Variants in CRY1 observed in about 807,000 individuals in gnomAD.
The protein encoded by CRY1 is cryptochrome circadian regulator 1.
Under a neutral mutation model 76.0 loss-of-function variants are expected in CRY1, and 45 were observed. That is an observed-to-expected ratio of 0.59 (90% CI 0.47 to 0.76). The LOEUF is 0.76. Among genes scored for constraint, CRY1 ranks in the 30% least tolerant of loss-of-function variants. The probability of loss-of-function intolerance (pLI) is 0.00; values close to 1 mark genes in which losing one functional copy is unlikely to be tolerated. For missense variants in CRY1, 587 were observed against 716.4 expected, an observed-to-expected ratio of 0.82 and a Z score of 2.06; for synonymous variants, 248 against 244.0, an observed-to-expected ratio of 1.02 and a Z score of -0.15.
chr12:107,033,106 G>A lies in CRY1; in HGVS notation c.159-10914C>T, dbSNP rs1363394430. On this transcript the variant is annotated intron_variant, in intron 1 of 12. Coordinates refer to ENST00000008527, the MANE Select transcript of CRY1 (RefSeq NM_004075.5). ...ATCTTAGATACTGCAGGGATTAAAC[G>A]GAAAATAAATAATTTTATGCAAACA... Among the ~76,000 whole-genome samples the A allele has an allele frequency of 2.0e-5, 3 of 152,066 alleles. No homozygotes were observed. In the South Asian group the frequency reaches 6.2e-4, roughly 32 times the overall value.
At chr12:106,996,229 T>G (rs998210749) in intron 10 of CRY1, among the ~76,000 whole-genome samples, 1 of 152,224 alleles carries the variant, frequency 6.6e-6, no homozygotes, top group Non-Finnish European at 1.5e-5. Flanking sequence ...GGTGTTTGGT[T>G]TTCTGTTCCT....
At chr12:107,026,100 C>T (rs1343554684) in intron 1 of CRY1, among the ~76,000 whole-genome samples, 3 of 32,502 alleles carry the variant, frequency 9.2e-5, no homozygotes, top group Non-Finnish European at 1.7e-4. Flanking sequence ...ATATATATAA[C>T]ATATATATAA....
At chr12:107,044,916 A>C (rs1952833470) in intron 1 of CRY1, among the ~76,000 whole-genome samples, 1 of 152,188 alleles carries the variant, frequency 6.6e-6, no homozygotes, top group African/African-American at 2.4e-5. Context: ...CTATTATGGG[A>C]GTTTCAGAAG....
At chr12:107,025,502 G>A (rs1448753617) in intron 1 of CRY1, among the ~76,000 whole-genome samples, 3 of 152,056 alleles carry the variant, frequency 2.0e-5, no homozygotes, top group East Asian at 1.9e-4. Context: ...AGCATTGTTC[G>A]TGAGATTAAA....
At chr12:107,058,030 T>C (rs1159729096) in intron 1 of CRY1, among the ~76,000 whole-genome samples, 1 of 152,096 alleles carries the variant, frequency 6.6e-6, no homozygotes, top group Admixed American at 6.6e-5. Flanking sequence ...CACTCCAGCC[T>C]GGGCAACAGA....
chr12:107,048,632 T>C (rs1260563292), intron 1 of CRY1, among the ~76,000 whole-genome samples: 1 of 152,232 alleles, frequency 6.6e-6, no homozygotes, highest in African/African-American at 2.4e-5. Flanking sequence ...TTATTTTGTG[T>C]TTGAATCTGG....
intron 1 of CRY1, among the ~76,000 whole-genome samples, chr12:107,065,073 A>G (rs1370915388): frequency 1.3e-5 from 2 of 152,152 alleles, no homozygotes; most frequent in African/African-American, 4.8e-5. Context: ...AGAGGGGTGG[A>G]TCACTTGAGG....
intron 2 of CRY1, among the ~76,000 whole-genome samples, chr12:107,018,441 G>C (rs1952519786): frequency 6.6e-6 from 1 of 152,126 alleles, no homozygotes; most frequent in Non-Finnish European, 1.5e-5. Flanking sequence ...ACAAAAATTA[G>C]CAAGGTGTGG....
intron 7 of CRY1, among the ~76,000 whole-genome samples, chr12:106,998,659 A>AACACACACACAC (rs10522970): frequency 0.028 from 3,993 of 143,388 alleles, 99 homozygotes; most frequent in African/African-American, 0.057. Flanking sequence ...TAAGAGATTA[A>AACACACACACAC]ACACACACAC....
intron 1 of CRY1, among the ~76,000 whole-genome samples, chr12:107,075,049 C>T (rs993364302): frequency 1.3e-5 from 2 of 151,756 alleles, no homozygotes; most frequent in Non-Finnish European, 2.9e-5. Context: ...AAAACAAAAA[C>T]TACTAGTGAT....
At chr12:107,026,227 G>C (rs1441311918) in intron 1 of CRY1, among the ~76,000 whole-genome samples, 2 of 59,442 alleles carry the variant, frequency 3.4e-5, no homozygotes. Context: ...AATTAAGTCA[G>C]TTCTCCCCAT....
chr12:107,074,313 T>C (rs188413244), intron 1 of CRY1, among the ~76,000 whole-genome samples: 1 of 152,306 alleles, frequency 6.6e-6, no homozygotes, highest in East Asian at 1.9e-4. Flanking sequence ...AGCACAGTAA[T>C]TTAATATTAA....
chr12:107,015,874 C>T (rs1412936531), intron 2 of CRY1, among the ~76,000 whole-genome samples: 1 of 152,108 alleles, frequency 6.6e-6, no homozygotes, highest in East Asian at 1.9e-4. Context: ...TCTGTAGAGA[C>T]AGAGTCTCAC....
At chr12:107,001,660 C>A (rs1952313167) in intron 4 of CRY1, 104 bp downstream of exon 4, 1 of 1,050,284 alleles carries the variant, frequency 9.5e-7, no homozygotes. Context: ...TTCTTTCTCT[C>A]CTAATGCAAA....
intron 2 of CRY1, among the ~76,000 whole-genome samples, chr12:107,014,689 G>T (rs10746074): frequency 0.55 from 82,936 of 151,738 alleles, 23,024 homozygotes; most frequent in East Asian, 0.73. Context: ...ATAATATTAA[G>T]TTTCCTCTAA....
intron 1 of CRY1, among the ~76,000 whole-genome samples, chr12:107,035,473 T>C (rs1199475171): frequency 6.6e-6 from 1 of 152,206 alleles, no homozygotes; most frequent in Admixed American, 6.5e-5. Flanking sequence ...GCTGCAAACA[T>C]TTAGAAAGTG....
At chr12:107,056,180 G>C (rs1952980284) in intron 1 of CRY1, among the ~76,000 whole-genome samples, 2 of 152,192 alleles carry the variant, frequency 1.3e-5, no homozygotes, top group African/African-American at 4.8e-5. Context: ...GAGAGTCTAA[G>C]ATACTCCAAA....
chr12:107,021,957 A>C (rs562421964), intron 2 of CRY1, 127 bp downstream of exon 2: 2 of 682,926 alleles, frequency 2.9e-6, no homozygotes, highest in African/African-American at 1.9e-5. Context: ...AAGAAAAAAA[A>C]CCCACAAAAT....
chr12:107,020,110 C>G (rs1243080877), intron 2 of CRY1, among the ~76,000 whole-genome samples: 1 of 150,150 alleles, frequency 6.7e-6, no homozygotes, highest in East Asian at 2.0e-4. Flanking sequence ...TAAATTCTAA[C>G]TTGATCTATT....
Sources: gnomAD v4.1 joint callset for allele counts (sites outside exome capture counted in the v4.1 genomes callset) on GRCh38, gnomAD v4.1.1 for gene constraint, MANE v1.5 for transcripts, NCBI Gene and HGNC (gene_info 2026-07-23, HGNC 2026-07-21) for gene names.